FBXO28: variants seen among roughly 807,000 people sequenced by gnomAD.
FBXO28 encodes the protein F-box only protein 28.
A neutral mutation model predicts 38.1 loss-of-function variants in FBXO28; 8 were observed. That is an observed-to-expected ratio of 0.21 (90% CI 0.12 to 0.38). FBXO28 has a LOEUF of 0.38. FBXO28 is among the 10% of genes least tolerant of loss of function. The pLI is 1.00. For missense variants in FBXO28, 345 were observed against 460.6 expected (o/e 0.75, Z 2.30); for synonymous variants, 168 against 173.8 (o/e 0.97, Z 0.26).
chr1:224,121,778 AT>A (rs879438256), intron 1 of FBXO28, among the ~76,000 whole-genome samples: 65 of 145,696 alleles, frequency 4.5e-4, no homozygotes, highest in Middle Eastern at 3.6e-3. Context: ...TCCAAATAGA[AT>A]TTTTTTTTTT....
Position 224,114,416 on chromosome 1 carries a change from C to G in FBXO28, c.267+20C>G. 6.5e-7 allele frequency: 1 copy of G among 1,527,564 alleles called. No individual in the cohort carries two copies. Among genetic ancestry groups the G allele is most frequent in the Non-Finnish European group, 8.8e-7 (1 of 1,133,050 alleles). The allele number at this position is 1,527,564 out of a possible 1,614,324, so 94.6% of individuals were successfully genotyped here. A position where few individuals can be genotyped will look rare whatever the true frequency, so the allele number is the denominator to read the frequency against. ...CGCCTGGTGAGGCCCCCGCAGAACT[C>G]CTGCCTCCCTCTCCCCCCGGCCGAG... On this transcript the variant is annotated intron_variant, in intron 1 of 4. Transcript: ENST00000366862.
intron 1 of FBXO28, among the ~76,000 whole-genome samples, chr1:224,124,517 A>G (rs1457983963): frequency 6.6e-6 from 1 of 152,214 alleles, no homozygotes; most frequent in Non-Finnish European, 1.5e-5. Flanking sequence ...TACTAGGGAA[A>G]TAAAATTTCT....
intron 1 of FBXO28, among the ~76,000 whole-genome samples, chr1:224,120,812 G>A (rs920325897): frequency 1.3e-5 from 2 of 149,644 alleles, no homozygotes; most frequent in African/African-American, 2.5e-5. Flanking sequence ...GCAGTGAGCC[G>A]AGATCATGCC....
chr1:224,153,737 A>G (rs1362776795), intron 4 of FBXO28, among the ~76,000 whole-genome samples: 1 of 151,960 alleles, frequency 6.6e-6, no homozygotes, highest in African/African-American at 2.4e-5. Context: ...CCTGGCCAAC[A>G]TGGTGAAACC....
At chr1:224,130,257 G>A (rs879428490) in intron 1 of FBXO28, among the ~76,000 whole-genome samples, 4 of 152,070 alleles carry the variant, frequency 2.6e-5, no homozygotes, top group South Asian at 2.1e-4. Context: ...CAGGAGAATC[G>A]CTTGAACCTG....
At chr1:224,118,815 T>C (rs1474361558) in intron 1 of FBXO28, among the ~76,000 whole-genome samples, 2 of 152,226 alleles carry the variant, frequency 1.3e-5, no homozygotes, top group Non-Finnish European at 2.9e-5. Flanking sequence ...CTTTTAAAAG[T>C]TATTGAAGAC....
chr1:224,148,182 GATA>G (rs2102631332), intron 3 of FBXO28, among the ~76,000 whole-genome samples: 1 of 152,196 alleles, frequency 6.6e-6, no homozygotes, highest in African/African-American at 2.4e-5. Flanking sequence ...CTACAGTAAA[GATA>G]ATATTTCACA....
At chr1:224,128,409 T>C (rs1404993739) in intron 1 of FBXO28, among the ~76,000 whole-genome samples, 1 of 151,940 alleles carries the variant, frequency 6.6e-6, no homozygotes, top group Non-Finnish European at 1.5e-5. Context: ...ATAAGAAAGA[T>C]GCTAGGATAT....
chr1:224,118,560 CAA>C (rs1232634460), intron 1 of FBXO28, among the ~76,000 whole-genome samples: 1 of 152,174 alleles, frequency 6.6e-6, no homozygotes, highest in African/African-American at 2.4e-5. Context: ...GCTTTTGTCT[CAA>C]GATATTTCTC....
rs1657796522 is a variant in FBXO28, at chr1:224,157,348, A to G, written c.713-4A>G. ...ACTGACCCTTTTGAATTATTCCTCC[A>G]CAGTTCCAGGACCGTCTGCAGCCCT... On this transcript the variant is annotated splice_region_variant and splice_polypyrimidine_tract_variant and intron_variant, in intron 4 of 4. Transcript: ENST00000366862. 1 of 1,584,696 alleles carries G rather than the reference A, an allele frequency of 6.3e-7. No homozygotes were observed. The highest frequency in any genetic ancestry group is 1.4e-5 in the African/African-American group (1 of 73,490).
chr1:224,135,611 CAAAAAA>C (rs71168313), intron 3 of FBXO28, among the ~76,000 whole-genome samples: 4 of 110,766 alleles, frequency 3.6e-5, no homozygotes, highest in African/African-American at 3.8e-5. Flanking sequence ...GACTCTGTCT[CAAAAAA>C]AAAAAAAAAA....
At chr1:224,154,444 G>A (rs1657719176) in intron 4 of FBXO28, among the ~76,000 whole-genome samples, 1 of 151,980 alleles carries the variant, frequency 6.6e-6, no homozygotes, top group Admixed American at 6.6e-5. Flanking sequence ...GCCGAGGCGG[G>A]CCGATCACCT....
intron 3 of FBXO28, among the ~76,000 whole-genome samples, chr1:224,146,491 A>G (rs1399071539): frequency 6.6e-6 from 1 of 152,078 alleles, no homozygotes; most frequent in Non-Finnish European, 1.5e-5. Context: ...AATGATATTC[A>G]TCGTATATAA....
rs1269475790 is a variant in FBXO28, at chr1:224,159,060, T to G, written c.*1314T>G. The stretch of plus-strand genomic sequence containing the variant: ...GTGTACAGTGGTTATTTTCCCCAGT[T>G]GTATAGTTTTGAGACATTCAATTAT... On this transcript the variant is annotated 3_prime_UTR_variant, in exon 5 of 5. Coordinates refer to ENST00000366862, the MANE Select transcript of FBXO28 (RefSeq NM_015176.4). 1.3e-5 allele frequency: 2 copies of G among 152,674 alleles called. No individual in the cohort carries two copies. Among genetic ancestry groups the G allele is most frequent in the South Asian group, 2.1e-4 (1 of 4,838 alleles). 9.5% of individuals were successfully genotyped at this position (152,674 alleles called of 1,614,324 possible). A position where few individuals can be genotyped will look rare whatever the true frequency, so the allele number is the denominator to read the frequency against.
At chr1:224,125,220 T>A (rs963349615) in intron 1 of FBXO28, among the ~76,000 whole-genome samples, 3 of 151,718 alleles carry the variant, frequency 2.0e-5, no homozygotes, top group Non-Finnish European at 4.4e-5. Context: ...GCCCAAGTGA[T>A]CCTCCCACCT....
At chr1:224,145,267 C>T (rs1262110151) in intron 3 of FBXO28, among the ~76,000 whole-genome samples, 2 of 111,542 alleles carry the variant, frequency 1.8e-5, no homozygotes, top group Non-Finnish European at 3.3e-5. Flanking sequence ...GCACTCCAGC[C>T]TGGGCAACAG....
intron 1 of FBXO28, among the ~76,000 whole-genome samples, chr1:224,119,157 G>A (rs1656716591): frequency 4.4e-5 from 2 of 45,896 alleles, no homozygotes; most frequent in African/African-American, 1.3e-4. Context: ...TTTTTTTGAC[G>A]GAATCTCGCT....
At chr1:224,133,513 CTTTACT>C (rs1657103593) in intron 2 of FBXO28, among the ~76,000 whole-genome samples, 2 of 151,910 alleles carry the variant, frequency 1.3e-5, no homozygotes, top group Admixed American at 1.3e-4. Context: ...GCCAAAAAAC[CTTTACT>C]TTTATTTTTA....
chr1:224,117,801 A>G (rs1572003214), intron 1 of FBXO28, among the ~76,000 whole-genome samples: 2 of 151,506 alleles, frequency 1.3e-5, no homozygotes, highest in South Asian at 2.1e-4. Context: ...TGAGGTCAGG[A>G]GTTCGATACC....
Sources: allele counts gnomAD v4.1 joint callset (sites outside exome capture counted in the v4.1 genomes callset), GRCh38; gene constraint gnomAD v4.1.1; transcripts MANE v1.5; gene names NCBI Gene and HGNC (gene_info 2026-07-23, HGNC 2026-07-21).